Variants in MKLN1 observed in about 807,000 individuals in gnomAD.
MKLN1 encodes the protein muskelin.
A neutral mutation model predicts 99.0 loss-of-function variants in MKLN1; 18 were observed. The observed-to-expected ratio is 0.18, with a 90% CI of 0.13 to 0.27. The LOEUF is 0.27. MKLN1 is among the 10% of genes least tolerant of loss of function. The probability of loss-of-function intolerance (pLI) is 1.00; values close to 1 mark genes in which losing one functional copy is unlikely to be tolerated. For missense variants in MKLN1, 621 were observed against 875.9 expected (o/e 0.71, Z 3.67); for synonymous variants, 288 against 293.2 (o/e 0.98, Z 0.18).
At chr7:131,382,081 G>A (rs1265640889) in intron 2 of MKLN1, among the ~76,000 whole-genome samples, 1 of 152,172 alleles carries the variant, frequency 6.6e-6, no homozygotes, top group Non-Finnish European at 1.5e-5. Flanking sequence ...TAATACAGAA[G>A]TGCCTGGGTA....
At chr7:131,385,568 T>C (rs536144814) in intron 2 of MKLN1, among the ~76,000 whole-genome samples, 5 of 152,254 alleles carry the variant, frequency 3.3e-5, no homozygotes, top group African/African-American at 1.2e-4. Flanking sequence ...GCCATCTTAG[T>C]GGATGTGAAA....
chr7:131,170,141 C>T (rs1340904062), intron 2 of MKLN1, among the ~76,000 whole-genome samples: 3 of 152,098 alleles, frequency 2.0e-5, no homozygotes, highest in Non-Finnish European at 2.9e-5. Flanking sequence ...CTGACATAGA[C>T]TTGAGGAGTC....
chr7:131,129,872 A>G (rs977937628), intron 1 of MKLN1, among the ~76,000 whole-genome samples: 2 of 152,224 alleles, frequency 1.3e-5, no homozygotes, highest in Non-Finnish European at 2.9e-5. Context: ...CACCATGCCC[A>G]GCTAGGTCAT....
At position 131,487,747 on chromosome 7, in the gene MKLN1, CAG is replaced by C; in HGVS notation, c.*21_*22del. 6.2e-7 allele frequency: 1 copy of C among 1,605,420 alleles called. No individual in the cohort carries two copies. The highest frequency in any genetic ancestry group is 1.1e-5 in the South Asian group (1 of 89,512). ...ACTGTAACTGAAGAGTCACTGGACACAGAAATGGAAAACAGGAGTCGATTTTC... is the reference window on the plus strand; with the variant it reads ...ACTGTAACTGAAGAGTCACTGGACACAAATGGAAAACAGGAGTCGATTTTC... On this transcript the variant is annotated 3_prime_UTR_variant, in exon 18 of 18. Transcript: ENST00000352689. The surrounding 1 kb of genome is among the most constrained non-coding windows in gnomAD (Gnocchi z 4.7).
intron 6 of MKLN1, among the ~76,000 whole-genome samples, chr7:131,401,519 TAGTCATAA>T (rs1485378900): frequency 6.6e-6 from 1 of 152,170 alleles, no homozygotes; most frequent in Non-Finnish European, 1.5e-5. Context: ...TTTAATAAGG[TAGTCATAA>T]AGTTTCAACC....
rs1420178858 is a variant in MKLN1, at chr7:131,464,363, A to G, written c.1743A>G (p.Pro581=). The change falls in exon 14 of 18, where the codon CCA becomes CCG. Residue 581 remains proline, a synonymous_variant. Coordinates refer to ENST00000352689, the MANE Select transcript of MKLN1 (RefSeq NM_013255.5). ...CTAAAAGTCTTCAGGAAGAAGAACC[A>G]TGTCCAAGGTTTGCCCATCAGCTTG... The part of the protein sequence containing the change: ...NPTKSLQEEE[P]CPRFAHQLVY... 2 of 1,613,754 alleles carry G rather than the reference A, an allele frequency of 1.2e-6. No individual in the cohort carries two copies. The highest frequency in any genetic ancestry group is 2.2e-5 in the East Asian group (1 of 44,818).
chr7:131,275,556 TATA>T (rs1797953210), intron 3 of MKLN1, among the ~76,000 whole-genome samples: 3 of 26,018 alleles, frequency 1.2e-4, no homozygotes, highest in East Asian at 1.7e-3. Flanking sequence ...TATATATATA[TATA>T]TATATATATT....
Position 131,437,928 on chromosome 7 carries a change from A to G in MKLN1, c.1104A>G (p.Thr368=), listed in dbSNP as rs553555073. The change falls in exon 10 of 18, where the codon ACA becomes ACG. Residue 368 remains threonine (T), a synonymous_variant. Coordinates refer to ENST00000352689, the MANE Select transcript of MKLN1 (RefSeq NM_013255.5). Reference sequence around the variant, plus strand: ...ACTTCTATCGTTATGACATTGATACAAACACATGGATGTTACTAAGTGAGG... The same window carrying G: ...ACTTCTATCGTTATGACATTGATACGAACACATGGATGTTACTAAGTGAGG... ...KSDFYRYDID[T]NTWMLLSEDT... The G allele has an allele frequency of 1.1e-5, 17 of 1,613,980 alleles. No individual in the cohort carries two copies. In the African/African-American group the frequency reaches 1.5e-4, roughly 14 times the overall value.
intron 3 of MKLN1, among the ~76,000 whole-genome samples, chr7:131,247,227 T>C (rs931235583): frequency 9.4e-6 from 1 of 106,126 alleles, no homozygotes; most frequent in Non-Finnish European, 2.1e-5. Flanking sequence ...TTCTTCTTTT[T>C]CTTTTTTCTT....
intron 3 of MKLN1, among the ~76,000 whole-genome samples, chr7:131,320,448 A>C (rs1176711294): frequency 2.0e-5 from 3 of 152,232 alleles, no homozygotes; most frequent in Admixed American, 2.0e-4. Context: ...TTAAAGACTT[A>C]AATGTAAAAC....
chr7:131,129,566 G>A (rs1392287432), intron 1 of MKLN1, among the ~76,000 whole-genome samples: 1 of 152,068 alleles, frequency 6.6e-6, no homozygotes, highest in East Asian at 1.9e-4. Context: ...ATCAGAAAAA[G>A]TTGGTCATTT....
chr7:131,141,860 A>AC (rs1337278885), intron 1 of MKLN1, among the ~76,000 whole-genome samples: 1 of 152,218 alleles, frequency 6.6e-6, no homozygotes, highest in African/African-American at 2.4e-5. Context: ...GTAAGTGCTT[A>AC]CGGGGACCTT....
chr7:131,464,173 C>T (rs556534938), intron 13 of MKLN1, 121 bp from the exon 14 acceptor site: 3 of 515,012 alleles, frequency 5.8e-6, no homozygotes, highest in South Asian at 3.4e-5. Flanking sequence ...CTTTAAGATA[C>T]GATGTGAACG....
chr7:131,250,600 G>A (rs938572800), intron 3 of MKLN1, among the ~76,000 whole-genome samples: 1 of 152,210 alleles, frequency 6.6e-6, no homozygotes. Flanking sequence ...TCACAAGGCT[G>A]TGGTGGGCTA....
chr7:131,433,223 A>G (rs1795578332), intron 9 of MKLN1, among the ~76,000 whole-genome samples: 1 of 152,188 alleles, frequency 6.6e-6, no homozygotes, highest in Non-Finnish European at 1.5e-5. Context: ...TAAAGAGTAC[A>G]GGGCAGTTGT....
intron 1 of MKLN1, among the ~76,000 whole-genome samples, chr7:131,333,941 T>A (rs1799173338): frequency 6.6e-6 from 1 of 152,228 alleles, no homozygotes; most frequent in Non-Finnish European, 1.5e-5. Context: ...GAGTTCATTT[T>A]GGCATTATCC....
chr7:131,464,405 C>G lies in MKLN1; in HGVS notation c.1785C>G (p.His595Gln). 1 of 1,596,032 alleles carries G rather than the reference C, an allele frequency of 6.3e-7. No homozygotes were observed. The highest frequency in any genetic ancestry group is 8.6e-7 in the Non-Finnish European group (1 of 1,163,704). Reference sequence around the variant, plus strand: ...ATCAGCTTGTATACGATGAGCTACACAAGGTATCCTAACTACATTGACCTG... The same window carrying G: ...ATCAGCTTGTATACGATGAGCTACAGAAGGTATCCTAACTACATTGACCTG... ...FAHQLVYDEL[H>Q]KVHYLFGGNP... is the part of the protein sequence containing the mutation. Residue 595 changes from histidine (H) to glutamine (Q), a missense_variant, in exon 14 of 18, where the codon CAC (histidine) becomes CAG (glutamine). By Grantham distance (24) the His-to-Gln change is conservative. This residue lies in a region of MKLN1 where 126 missense variants were observed against 157.4 expected (regional missense o/e 0.80). Transcript: ENST00000352689.
intron 3 of MKLN1, among the ~76,000 whole-genome samples, chr7:131,276,799 T>C (rs1797981728): frequency 6.6e-6 from 1 of 152,186 alleles, no homozygotes; most frequent in African/African-American, 2.4e-5. Context: ...TAACATATCA[T>C]TTCCTTCACA....
At chr7:131,168,817 C>T (rs767906036) in intron 2 of MKLN1, among the ~76,000 whole-genome samples, 1 of 151,722 alleles carries the variant, frequency 6.6e-6, no homozygotes, top group Non-Finnish European at 1.5e-5. Context: ...AATAATTTGT[C>T]CAAGTTCACT....
Sources: allele counts gnomAD v4.1 joint callset (sites outside exome capture counted in the v4.1 genomes callset), GRCh38; gene constraint gnomAD v4.1.1; regional missense constraint gnomAD v4.1.1; non-coding constraint Gnocchi (gnomAD v3.1); transcripts MANE v1.5; gene names NCBI Gene and HGNC (gene_info 2026-07-23, HGNC 2026-07-21).